Variants in CHM observed in about 807,000 individuals in gnomAD.
CHM encodes the protein rab proteins geranylgeranyltransferase component A 1.
A neutral mutation model predicts 49.0 loss-of-function variants in CHM; 10 were observed. The ratio of observed to expected loss-of-function variants is 0.20; its 90% CI spans 0.13 to 0.35. The LOEUF is 0.35. CHM is among the 10% of genes least tolerant of loss of function. CHM has a pLI of 1.00. For synonymous variants in CHM, 184 were observed against 167.5 expected, an observed-to-expected ratio of 1.10 and a Z score of -0.76; for missense variants, 455 against 478.4, an observed-to-expected ratio of 0.95 and a Z score of 0.46.
chrX:86,022,878 C>A (rs1054892490), intron 2 of CHM, among the ~76,000 whole-genome samples: 2 of 111,232 alleles, frequency 1.8e-5, no homozygotes, highest in Non-Finnish European at 3.8e-5. Flanking sequence ...CTCTTGAATT[C>A]CTTGCATAAG....
At chrX:85,968,686 T>G (rs1930711406) in intron 4 of CHM, among the ~76,000 whole-genome samples, 2 of 112,209 alleles carry the variant, frequency 1.8e-5, no homozygotes, top group African/African-American at 6.5e-5. Flanking sequence ...CTTCCCCTTT[T>G]CCTCATGTTT....
At chrX:85,999,593 C>T (rs1290809167) in intron 2 of CHM, among the ~76,000 whole-genome samples, 2 of 111,704 alleles carry the variant, frequency 1.8e-5, no homozygotes, top group African/African-American at 6.5e-5. Flanking sequence ...GCTTACTACA[C>T]CTCCATTTAA....
chrX:86,009,568 T>C (rs1932970805), intron 2 of CHM, among the ~76,000 whole-genome samples: 1 of 112,459 alleles, frequency 8.9e-6, no homozygotes, highest in Non-Finnish European at 1.9e-5. Context: ...AACAAAAAAA[T>C]CTGGTATATT....
At chrX:85,919,384 G>C (rs902589348) in intron 8 of CHM, among the ~76,000 whole-genome samples, 4 of 111,487 alleles carry the variant, frequency 3.6e-5, no homozygotes, top group Non-Finnish European at 7.5e-5. Flanking sequence ...TAATGTTTAT[G>C]AAATATACTA....
chrX:85,953,884 C>A (rs2147659427), intron 8 of CHM, among the ~76,000 whole-genome samples: 1 of 111,489 alleles, frequency 9.0e-6, no homozygotes, highest in African/African-American at 3.3e-5. Flanking sequence ...TAAGCAATGC[C>A]CCACAAGCAC....
Position 85,971,659 on chromosome X carries a change from C to T in CHM, c.314+7108G>A, listed in dbSNP as rs765909378. ...AAGCCTCCACAGTGTGGAAGGGGAC[C>T]GGAGCTGGTTGCCACTGCTGGCTGG... On this transcript the variant is annotated intron_variant, in intron 4 of 14. Transcript: ENST00000357749. 49 of 222,793 alleles carry T rather than the reference C, an allele frequency of 2.2e-4. No individual in the cohort carries two copies. The South Asian group carries it at 2.4e-3, about 11-fold the overall frequency. 18.4% of individuals were successfully genotyped at this position (222,793 alleles called of 1,213,427 possible). A position where few individuals can be genotyped will look rare whatever the true frequency, so the allele number is the denominator to read the frequency against.
At chrX:85,897,500 C>T (rs1206726146) in intron 11 of CHM, among the ~76,000 whole-genome samples, 1 of 109,326 alleles carries the variant, frequency 9.1e-6, no homozygotes, top group Non-Finnish European at 1.9e-5. Context: ...CTGATTCATT[C>T]CTGGGCTGAA....
rs1934583514 is a variant in CHM, at chrX:86,044,397, G to T, written c.49+3087C>A. Among the ~76,000 whole-genome samples, 3 of 112,033 alleles carry T rather than the reference G, an allele frequency of 2.7e-5. No homozygotes were observed. The South Asian group carries it at 1.1e-3, about 42-fold the overall frequency. ...TAACATTCCTTGTATCTTCTAAGGG[G>T]GTGGTTCTAATATGCTGAGCTTGCT... On this transcript the variant is annotated intron_variant, in intron 1 of 14. Coordinates refer to ENST00000357749, the MANE Select transcript of CHM (RefSeq NM_000390.4).
intron 8 of CHM, among the ~76,000 whole-genome samples, chrX:85,929,554 T>C (rs765530749): frequency 1.8e-5 from 2 of 112,431 alleles, no homozygotes; most frequent in Admixed American, 9.4e-5. Flanking sequence ...TTCAGCAGTG[T>C]ATTCCAAATG....
chrX:85,925,903 A>T (rs1928051041), intron 8 of CHM, among the ~76,000 whole-genome samples: 1 of 111,140 alleles, frequency 9.0e-6, no homozygotes, highest in Non-Finnish European at 1.9e-5. Context: ...GATCTCTTTC[A>T]TGGGTTGAAA....
At chrX:85,886,538 C>A (rs968886486) in intron 12 of CHM, among the ~76,000 whole-genome samples, 2 of 111,360 alleles carry the variant, frequency 1.8e-5, no homozygotes, top group Non-Finnish European at 3.8e-5. Context: ...GGTTTGGATA[C>A]ATAAAATAAA....
At chrX:86,027,156 C>CCACA (rs1266638203) in intron 2 of CHM, 1 of 245,671 alleles carries the variant, frequency 4.1e-6, no homozygotes, top group Non-Finnish European at 7.4e-6. Context: ...TTGTATATAC[C>CCACA]CACACACATA....
intron 1 of CHM, among the ~76,000 whole-genome samples, chrX:86,035,921 G>C (rs1298135045): frequency 1.9e-5 from 2 of 105,163 alleles, no homozygotes; most frequent in Non-Finnish European, 3.9e-5. Flanking sequence ...AGCCTCCCAA[G>C]AAGCTGGGAC....
rs749997378 is a variant in CHM, at chrX:86,028,364, A to G, written c.50-807T>C. 1.2e-4 allele frequency among the ~76,000 whole-genome samples: 13 copies of G among 111,878 alleles called. No homozygotes were observed. In the South Asian group the frequency reaches 4.8e-3, roughly 42 times the overall value. ...CTAGAGTTGAAATTTAAACCCAGATATAACTCCGAAGCCACAATGCCTCTG... is the reference window on the plus strand; with the variant it reads ...CTAGAGTTGAAATTTAAACCCAGATGTAACTCCGAAGCCACAATGCCTCTG... On this transcript the variant is annotated intron_variant, in intron 1 of 14. Transcript: ENST00000357749.
In CHM at chrX:85,864,714, T is replaced by C. The variant is rs373285353; in HGVS notation, c.1878A>G (p.Ser626=). The part of the protein sequence containing the change: ...LDGDSLQPEA[S]ESSAIPEANS... ...TAGCCTCTGGTATGGCACTGGATTC[T>C]GAAGCCTCTGGCTGTAAACTGTCTC... is the stretch of plus-strand genomic sequence containing the variant. The change falls in exon 15 of 15, where the codon TCA becomes TCG. Residue 626 remains serine, a synonymous_variant. Transcript: ENST00000357749. 8.3e-7 allele frequency: 1 copy of C among 1,207,062 alleles called. No homozygotes were observed. The highest frequency in any genetic ancestry group is 1.8e-5 in the African/African-American group (1 of 57,083).
intron 9 of CHM, 45 bp downstream of exon 9, chrX:85,911,216 A>AATATATAT (rs374586671): frequency 1.5e-4 from 13 of 85,988 alleles, no homozygotes; most frequent in South Asian, 1.9e-4. Flanking sequence ...TATATATATG[A>AATATATAT]ATATATATAT....
At chrX:86,013,508 C>T (rs980598453) in intron 2 of CHM, among the ~76,000 whole-genome samples, 3 of 111,030 alleles carry the variant, frequency 2.7e-5, no homozygotes, top group African/African-American at 6.5e-5. Flanking sequence ...CCGAGACAGG[C>T]GGATCATGAG....
At position 85,863,430 on chromosome X, in the gene CHM, G is replaced by C. The variant is rs1191278317; in HGVS notation, c.*1200C>G. Reference sequence around the variant, plus strand: ...GCTTACCAACTGTCATACACAATTTGGAGTCCTTGGTGGTTGCAGGTTTAC... The same window carrying C: ...GCTTACCAACTGTCATACACAATTTCGAGTCCTTGGTGGTTGCAGGTTTAC... On this transcript the variant is annotated 3_prime_UTR_variant, in exon 15 of 15. Transcript: ENST00000357749. The C allele has an allele frequency of 9.0e-6, 1 of 111,448 alleles. No individual in the cohort carries two copies. The highest frequency in any genetic ancestry group is 2.8e-4 in the East Asian group (1 of 3,555). 9.2% of individuals were successfully genotyped at this position (111,448 alleles called of 1,213,427 possible). A position where few individuals can be genotyped will look rare whatever the true frequency, so the allele number is the denominator to read the frequency against.
intron 9 of CHM, among the ~76,000 whole-genome samples, chrX:85,908,964 A>T (rs757716096): frequency 3.6e-5 from 4 of 111,937 alleles, no homozygotes; most frequent in Non-Finnish European, 5.6e-5. Flanking sequence ...CTTTCTAAGA[A>T]CATTACCAAA....
Sources: gnomAD v4.1 joint callset for allele counts (sites outside exome capture counted in the v4.1 genomes callset) on GRCh38, gnomAD v4.1.1 for gene constraint, MANE v1.5 for transcripts, NCBI Gene and HGNC (gene_info 2026-07-23, HGNC 2026-07-21) for gene names.